PCDHGA2: variants seen among roughly 807,000 people sequenced by gnomAD.
PCDHGA2 encodes the protein protocadherin gamma-A2.
PCDHGA2 carries 40 observed loss-of-function variants against 59.2 expected under a neutral mutation model. The ratio of observed to expected loss-of-function variants is 0.68; its 90% CI spans 0.52 to 0.88. PCDHGA2 has a LOEUF of 0.88. Ranked by LOEUF, PCDHGA2 falls within the 40% of genes least tolerant of loss-of-function variation. The pLI is 0.00. For synonymous variants in PCDHGA2, 560 were observed against 526.0 expected (o/e 1.06, Z -0.89); for missense variants, 1,226 against 1,204.0 (o/e 1.02, Z -0.27).
chr5:141,489,089 A>C lies in PCDHGA2; in HGVS notation c.2425-5718A>C. 6 of 284,452 alleles carry C rather than the reference A, an allele frequency of 2.1e-5. No individual in the cohort carries two copies. The highest frequency in any genetic ancestry group is 5.7e-5 in the East Asian group (1 of 17,568). The allele number at this position is 284,452 out of a possible 1,614,324, so 17.6% of individuals were successfully genotyped here. A position where few individuals can be genotyped will look rare whatever the true frequency, so the allele number is the denominator to read the frequency against. Reference sequence around the variant, plus strand: ...CCCTGCCCACCCCCGCCACTCGGTGACTAAGAACTGCTGCAAGCAGGCAAA... The same window carrying C: ...CCCTGCCCACCCCCGCCACTCGGTGCCTAAGAACTGCTGCAAGCAGGCAAA... On this transcript the variant is annotated intron_variant, in intron 1 of 3. Transcript: ENST00000394576. This position sits in a 1 kb window ranked among gnomAD's most constrained non-coding sequence, Gnocchi z 4.5.
Position 141,370,437 on chromosome 5 carries a change from C to A in PCDHGA2, c.2424+29042C>A, listed in dbSNP as rs770648794. ...ATGGAGGGGCCCAGCAGGGCAGAGG[C>A]GAATGCTATTTCTCTTCCTGCTCTC... On this transcript the variant is annotated intron_variant, in intron 1 of 3. Coordinates refer to ENST00000394576, the MANE Select transcript of PCDHGA2 (RefSeq NM_018915.4). 1.6e-5 allele frequency: 26 copies of A among 1,603,674 alleles called. No individual in the cohort carries two copies. In the East Asian group the frequency reaches 5.6e-4, roughly 34 times the overall value.
chr5:141,432,378 C>A lies in PCDHGA2; in HGVS notation c.2425-62429C>A. On this transcript the variant is annotated intron_variant, in intron 1 of 3. Coordinates refer to ENST00000394576, the MANE Select transcript of PCDHGA2 (RefSeq NM_018915.4). This position sits in a 1 kb window ranked among gnomAD's most constrained non-coding sequence, Gnocchi z 6.0. ...GTGATGGCGCGGGACAACGGGCACC[C>A]GCCCCTCAGCAGCAACGTGTCGTTG... 6.2e-7 allele frequency: 1 copy of A among 1,614,234 alleles called. No individual in the cohort carries two copies. Among genetic ancestry groups the A allele is most frequent in the South Asian group, 1.1e-5 (1 of 91,082 alleles).
intron 1 of PCDHGA2, among the ~76,000 whole-genome samples, chr5:141,483,024 G>A (rs1210804345): frequency 6.6e-6 from 1 of 152,094 alleles, no homozygotes; most frequent in Non-Finnish European, 1.5e-5. Context: ...GGCAGAGGTT[G>A]CAATGAGCTG....
intron 1 of PCDHGA2, among the ~76,000 whole-genome samples, chr5:141,452,689 C>G (rs1198702467): frequency 6.6e-6 from 1 of 151,562 alleles, no homozygotes; most frequent in Non-Finnish European, 1.5e-5. Context: ...AGAATGAAAC[C>G]CTGTCAAGAA....
At chr5:141,435,902 A>G (rs896786345) in intron 1 of PCDHGA2, among the ~76,000 whole-genome samples, 1 of 152,194 alleles carries the variant, frequency 6.6e-6, no homozygotes, top group Non-Finnish European at 1.5e-5. Flanking sequence ...AATGAAAGAC[A>G]TCCAAGGGCT....
Position 141,489,263 on chromosome 5 carries a change from A to G in PCDHGA2, c.2425-5544A>G. The G allele has an allele frequency of 6.4e-7, 1 of 1,552,104 alleles. No homozygotes were observed. Among genetic ancestry groups the G allele is most frequent in the South Asian group, 1.3e-5 (1 of 79,626 alleles). On this transcript the variant is annotated intron_variant, in intron 1 of 3. Transcript: ENST00000394576. This position sits in a 1 kb window ranked among gnomAD's most constrained non-coding sequence, Gnocchi z 4.5. ...GTCATGGGGCCCAAGACACTCCCAC[A>G]GCTCGCTGGGAAATGGCAAGTGCTG...
At chr5:141,474,892 A>G (rs1419975508) in intron 1 of PCDHGA2, among the ~76,000 whole-genome samples, 1 of 152,208 alleles carries the variant, frequency 6.6e-6, no homozygotes, top group Non-Finnish European at 1.5e-5. Context: ...TTAGAGGTTC[A>G]TTTCTTGTTC....
intron 1 of PCDHGA2, chr5:141,356,448 A>G: frequency 6.2e-7 from 1 of 1,612,888 alleles, no homozygotes; most frequent in Non-Finnish European, 8.5e-7. Context: ...AAGAAGTCTC[A>G]GAATATAACA....
intron 1 of PCDHGA2, chr5:141,371,092 C>T (rs1348283879): frequency 6.2e-7 from 1 of 1,613,802 alleles, no homozygotes. Context: ...GTAATTGTCG[C>T]AGATGCAAAT....
At chr5:141,468,560 T>TA (rs2099169084) in intron 1 of PCDHGA2, 1 of 152,004 alleles carries the variant, frequency 6.6e-6, no homozygotes, top group Non-Finnish European at 1.5e-5. Context: ...ATTTGTGATA[T>TA]AGTAAACAAT....
At chr5:141,381,831 T>C (rs1313642722) in intron 1 of PCDHGA2, among the ~76,000 whole-genome samples, 7 of 136,370 alleles carry the variant, frequency 5.1e-5, no homozygotes, top group African/African-American at 2.0e-4. Context: ...TTCTTCTTTT[T>C]TTTTTTTTTT....
intron 1 of PCDHGA2, chr5:141,371,043 G>T: frequency 1.2e-6 from 2 of 1,613,966 alleles, no homozygotes; most frequent in Non-Finnish European, 1.7e-6. Flanking sequence ...AGCTGTGGAT[G>T]GGGGCGAGCC....
chr5:141,512,241 G>A lies in PCDHGA2; in HGVS notation c.*1068G>A, dbSNP rs533051658. On this transcript the variant is annotated 3_prime_UTR_variant, in exon 4 of 4. Coordinates refer to ENST00000394576, the MANE Select transcript of PCDHGA2 (RefSeq NM_018915.4). ...CCAGGTCCCCTTGAGAGGTCAGAGGGGCCTCTGTGGGTGCTGGGTACTCCA... is the reference window on the plus strand; with the variant it reads ...CCAGGTCCCCTTGAGAGGTCAGAGGAGCCTCTGTGGGTGCTGGGTACTCCA... 1 of 152,866 alleles carries A rather than the reference G, an allele frequency of 6.5e-6. No individual in the cohort carries two copies. The highest frequency in any genetic ancestry group is 2.1e-4 in the South Asian group (1 of 4,824). 9.5% of individuals were successfully genotyped at this position (152,866 alleles called of 1,614,324 possible).
rs563064161 is a variant in PCDHGA2, at chr5:141,349,228, C to T, written c.2424+7833C>T. On this transcript the variant is annotated intron_variant, in intron 1 of 3. Transcript: ENST00000394576. ...GGCGTTACAGGTACCCGCCACCATG[C>T]CTGGATAATTTTTATTTTTTTTAGT... Among the ~76,000 whole-genome samples the T allele has an allele frequency of 4.4e-5, 5 of 114,132 alleles. No individual in the cohort carries two copies. In the South Asian group the frequency reaches 1.2e-3, roughly 28 times the overall value. 74.9% of individuals were successfully genotyped at this position (114,132 alleles called of 152,430 possible).
intron 1 of PCDHGA2, chr5:141,393,481 C>A (rs368525192): frequency 6.2e-7 from 1 of 1,614,066 alleles, no homozygotes; most frequent in Non-Finnish European, 8.5e-7. Flanking sequence ...CCGCCTCGCT[C>A]TAGCACAGTG....
intron 1 of PCDHGA2, chr5:141,427,261 C>A (rs903526432): frequency 1.5e-5 from 7 of 456,556 alleles, no homozygotes; most frequent in African/African-American, 4.0e-5. Flanking sequence ...GGAGGCATGA[C>A]CAGCGAATGT....
At position 141,505,394 on chromosome 5, in the gene PCDHGA2, T is replaced by C; in HGVS notation, c.2485T>C (p.Ser829Pro). 6.2e-7 allele frequency: 1 copy of C among 1,614,110 alleles called. No homozygotes were observed. The highest frequency in any genetic ancestry group is 8.5e-7 in the Non-Finnish European group (1 of 1,180,002). The part of the protein sequence containing the change: ...SQAQRPGTSG[S>P]QNGDDTGTWP... ...CTCACCATCCTACTCTCTCCCCAGC[T>C]CCCAAAATGGCGATGACACCGGCAC... Residue 829 changes from serine (S) to proline (P), a missense_variant and splice_region_variant, in exon 3 of 4, where the codon TCC becomes CCC. By Grantham distance (74) the Ser-to-Pro change is moderately conservative. Coordinates refer to ENST00000394576, the MANE Select transcript of PCDHGA2 (RefSeq NM_018915.4).
chr5:141,419,765 G>A, intron 1 of PCDHGA2: 1 of 1,614,016 alleles, frequency 6.2e-7, no homozygotes, highest in Non-Finnish European at 8.5e-7. Context: ...GGGTGACAAG[G>A]ACTCGGTCCG....
chr5:141,418,505 G>A, intron 1 of PCDHGA2: 1 of 1,614,006 alleles, frequency 6.2e-7, no homozygotes, highest in Non-Finnish European at 8.5e-7. Flanking sequence ...GACCGCCTTA[G>A]ATGGTGGGGA....
Sources: gnomAD v4.1 joint callset for allele counts (sites outside exome capture counted in the v4.1 genomes callset) on GRCh38, gnomAD v4.1.1 for gene constraint, Gnocchi (gnomAD v3.1) non-coding constraint, MANE v1.5 for transcripts, NCBI Gene and HGNC (gene_info 2026-07-23, HGNC 2026-07-21) for gene names.